Variants in CDH12 observed in about 807,000 individuals in gnomAD.
The protein encoded by CDH12 is cadherin-12.
In CDH12, 41 loss-of-function variants were observed where a neutral mutation model predicts 74.1. The observed-to-expected ratio is 0.55, with a 90% CI of 0.43 to 0.72. The LOEUF (loss-of-function observed/expected upper bound fraction) is 0.72. CDH12 is among the 30% of genes least tolerant of loss of function. The pLI, the probability that CDH12 is intolerant of heterozygous loss-of-function variation, is 0.00. For synonymous variants in CDH12, 399 were observed against 355.0 expected (o/e 1.12, Z -1.39); for missense variants, 945 against 977.2 (o/e 0.97, Z 0.44).
At chr5:22,237,375 C>A (rs571865943) in intron 3 of CDH12, among the ~76,000 whole-genome samples, 1 of 151,354 alleles carries the variant, frequency 6.6e-6, no homozygotes, top group South Asian at 2.1e-4. Flanking sequence ...TGTTTGTGTA[C>A]CCCCAAATTC....
At chr5:22,805,094 C>T (rs1382285678) in intron 1 of CDH12, among the ~76,000 whole-genome samples, 1 of 152,008 alleles carries the variant, frequency 6.6e-6, no homozygotes, top group Non-Finnish European at 1.5e-5. Context: ...TTATCTGACA[C>T]ATTTGAAAAT....
At chr5:21,769,816 G>A (rs1316255195) in intron 11 of CDH12, among the ~76,000 whole-genome samples, 1 of 152,142 alleles carries the variant, frequency 6.6e-6, no homozygotes, top group Non-Finnish European at 1.5e-5. Flanking sequence ...TTTTCTTGAT[G>A]TAATCTATTG....
At chr5:22,248,692 A>T (rs1320936177) in intron 3 of CDH12, among the ~76,000 whole-genome samples, 1 of 152,066 alleles carries the variant, frequency 6.6e-6, no homozygotes, top group Admixed American at 6.6e-5. Flanking sequence ...TGCTGATAAA[A>T]CCTATCCAAT....
chr5:21,864,827 C>A (rs1182754847), intron 6 of CDH12, among the ~76,000 whole-genome samples: 5 of 152,032 alleles, frequency 3.3e-5, no homozygotes, highest in Non-Finnish European at 7.4e-5. Flanking sequence ...TCTGATAGTT[C>A]TTAGAGAGTT....
At chr5:22,697,511 G>T (rs1267134817) in intron 1 of CDH12, among the ~76,000 whole-genome samples, 1 of 146,900 alleles carries the variant, frequency 6.8e-6, no homozygotes, top group Non-Finnish European at 1.5e-5. Context: ...GGCGGAGCTT[G>T]CAGTGAGCCG....
intron 6 of CDH12, among the ~76,000 whole-genome samples, chr5:21,949,290 A>C (rs1755721615): frequency 6.6e-6 from 1 of 151,786 alleles, no homozygotes; most frequent in African/African-American, 2.4e-5. Context: ...CTCTACTAAA[A>C]ATACAAAAAA....
chr5:22,764,573 C>A (rs1011358759), intron 1 of CDH12, among the ~76,000 whole-genome samples: 2 of 151,924 alleles, frequency 1.3e-5, no homozygotes, highest in African/African-American at 4.8e-5. Flanking sequence ...ACAATTTCCA[C>A]GTAGATTGCT....
At chr5:22,461,623 A>T (rs888610920) in intron 2 of CDH12, among the ~76,000 whole-genome samples, 1 of 152,032 alleles carries the variant, frequency 6.6e-6, no homozygotes, top group African/African-American at 2.4e-5. Flanking sequence ...TGTAAAAAAA[A>T]TTTATAAATT....
intron 2 of CDH12, among the ~76,000 whole-genome samples, chr5:22,499,860 T>A (rs1056543262): frequency 2.6e-5 from 4 of 152,170 alleles, no homozygotes; most frequent in African/African-American, 2.4e-5. Context: ...TAAAAAATTA[T>A]CTGCCACACT....
At chr5:21,809,496 T>C (rs2149934384) in intron 9 of CDH12, among the ~76,000 whole-genome samples, 1 of 152,296 alleles carries the variant, frequency 6.6e-6, no homozygotes, top group Admixed American at 6.5e-5. Flanking sequence ...GGAAGTATAC[T>C]CTTTCTAAAC....
At chr5:21,826,881 T>G (rs12654091) in intron 8 of CDH12, among the ~76,000 whole-genome samples, 94,626 of 151,860 alleles carry the variant, frequency 0.62, 31,053 homozygotes, top group Non-Finnish European at 0.73. Context: ...GTCAGTTATA[T>G]CCTGGTAAAT....
chr5:22,452,713 T>G (rs555745110), intron 2 of CDH12, among the ~76,000 whole-genome samples: 1 of 151,326 alleles, frequency 6.6e-6, no homozygotes, highest in East Asian at 2.0e-4. Flanking sequence ...GAAGCAAAAA[T>G]AGGCAAATGG....
Position 22,162,967 on chromosome 5 carries a change from G to T in CDH12, c.-187+49531C>A, listed in dbSNP as rs557601782. Among the ~76,000 whole-genome samples the T allele has an allele frequency of 7.4e-4, 102 of 137,684 alleles. 3 individuals are homozygous for T. Among genetic ancestry groups the T allele is most frequent in the African/African-American group, 2.8e-3 (100 of 36,256 alleles). 90.3% of individuals were successfully genotyped at this position (137,684 alleles called of 152,430 possible). A position where few individuals can be genotyped will look rare whatever the true frequency, so the allele number is the denominator to read the frequency against. On this transcript the variant is annotated intron_variant, in intron 4 of 14. Coordinates refer to ENST00000382254, the MANE Select transcript of CDH12 (RefSeq NM_004061.5). ...GCAGGACTGCAGTGGCGCGATCTCT[G>T]CTCACTGCAAGCTCCGCCTCCCAGG...
chr5:21,858,679 T>C (rs1283942239), intron 6 of CDH12, among the ~76,000 whole-genome samples: 1 of 151,752 alleles, frequency 6.6e-6, no homozygotes, highest in African/African-American at 2.4e-5. Context: ...TTGAACAAAA[T>C]TGAGAGACCA....
rs1333687709 is a variant in CDH12, at chr5:21,880,560, T to C, written c.527-25770A>G. Among the ~76,000 whole-genome samples, 14 of 117,218 alleles carry C rather than the reference T, an allele frequency of 1.2e-4. 3 individuals are homozygous for C. Among genetic ancestry groups the C allele is most frequent in the African/African-American group, 3.7e-4 (11 of 29,968 alleles). 76.9% of individuals were successfully genotyped at this position (117,218 alleles called of 152,430 possible). On this transcript the variant is annotated intron_variant, in intron 6 of 14. Coordinates refer to ENST00000382254, the MANE Select transcript of CDH12 (RefSeq NM_004061.5). ...TTTCCTTCCTTCCTTCCTTCCTTCC[T>C]TCCCTTCTTTCTTTCCTTCCTTCCT...
intron 3 of CDH12, among the ~76,000 whole-genome samples, chr5:22,333,960 G>T (rs542668584): frequency 6.6e-6 from 1 of 152,146 alleles, no homozygotes; most frequent in African/African-American, 2.4e-5. Context: ...TAAAAATTGA[G>T]TATAGAAGGA....
At chr5:22,755,376 G>A (rs577212190) in intron 1 of CDH12, among the ~76,000 whole-genome samples, 1 of 152,154 alleles carries the variant, frequency 6.6e-6, no homozygotes, top group Non-Finnish European at 1.5e-5. Context: ...ACTTGTCAGT[G>A]GTAAATTGTT....
chr5:22,306,423 A>C (rs1738117177), intron 3 of CDH12, among the ~76,000 whole-genome samples: 2 of 152,268 alleles, frequency 1.3e-5, no homozygotes, highest in South Asian at 4.1e-4. Context: ...GATAGAACTA[A>C]GATATGGACA....
At chr5:22,729,049 G>C (rs552734582) in intron 1 of CDH12, among the ~76,000 whole-genome samples, 27 of 151,928 alleles carry the variant, frequency 1.8e-4, no homozygotes, top group Admixed American at 1.4e-3. Flanking sequence ...TACCATGTTA[G>C]CCTCTGTATT....
Sources: allele counts gnomAD v4.1 joint callset (sites outside exome capture counted in the v4.1 genomes callset), GRCh38; gene constraint gnomAD v4.1.1; transcripts MANE v1.5; gene names NCBI Gene and HGNC (gene_info 2026-07-23, HGNC 2026-07-21).